NCEH1: variants seen among roughly 807,000 people sequenced by gnomAD.
NCEH1 encodes the protein 2-acetyl MAGE hydrolase.
NCEH1 carries 9 observed loss-of-function variants against 25.4 expected under a neutral mutation model. The ratio of observed to expected loss-of-function variants is 0.35; its 90% CI spans 0.21 to 0.62. The LOEUF is 0.62. Ranked by LOEUF, NCEH1 falls within the 20% of genes least tolerant of loss-of-function variation. The pLI, the probability that NCEH1 is intolerant of heterozygous loss-of-function variation, is 0.72. For synonymous variants in NCEH1, 200 were observed against 199.8 expected, an observed-to-expected ratio of 1.00 and a Z score of -0.01; for missense variants, 412 against 501.1, an observed-to-expected ratio of 0.82 and a Z score of 1.70.
intron 1 of NCEH1, among the ~76,000 whole-genome samples, chr3:172,686,507 T>C (rs1383150043): frequency 6.6e-6 from 1 of 152,206 alleles, no homozygotes; most frequent in Non-Finnish European, 1.5e-5. Context: ...CGTCCAATTG[T>C]ATAGGACATA....
chr3:172,636,657 C>T (rs1716609535), intron 3 of NCEH1, among the ~76,000 whole-genome samples: 1 of 152,192 alleles, frequency 6.6e-6, no homozygotes, highest in Non-Finnish European at 1.5e-5. Context: ...CGGTTGTTAA[C>T]TCACAAAAGG....
At chr3:172,665,726 A>G (rs1443702333) in intron 1 of NCEH1, among the ~76,000 whole-genome samples, 2 of 152,136 alleles carry the variant, frequency 1.3e-5, no homozygotes, top group Admixed American at 6.5e-5. Context: ...GCTGCCTCGC[A>G]GTTTGATCTT....
At chr3:172,641,651 T>G (rs985369498) in intron 3 of NCEH1, among the ~76,000 whole-genome samples, 3 of 152,140 alleles carry the variant, frequency 2.0e-5, no homozygotes, top group Non-Finnish European at 4.4e-5. Flanking sequence ...GCGTCCACCA[T>G]CCTCCTAAAG....
intron 1 of NCEH1, among the ~76,000 whole-genome samples, chr3:172,682,522 GTTCT>G (rs1381620211): frequency 6.6e-6 from 1 of 152,084 alleles, no homozygotes; most frequent in African/African-American, 2.4e-5. Context: ...TGATTAAATG[GTTCT>G]TTCTGAGAAA....
chr3:172,647,252 C>T (rs1027148904), intron 2 of NCEH1, among the ~76,000 whole-genome samples: 5 of 152,186 alleles, frequency 3.3e-5, no homozygotes, highest in African/African-American at 7.2e-5. Context: ...CCCCGAATTC[C>T]GCCTTGGGAG....
At chr3:172,663,592 G>A (rs1216916489) in intron 1 of NCEH1, among the ~76,000 whole-genome samples, 2 of 152,158 alleles carry the variant, frequency 1.3e-5, no homozygotes, top group South Asian at 2.1e-4. Flanking sequence ...TTGTTTGGGA[G>A]TCTAAGTCTC....
Position 172,711,031 on chromosome 3 carries a change from G to C in NCEH1, c.-47C>G, listed in dbSNP as rs773007265. On this transcript the variant is annotated 5_prime_UTR_variant, in exon 1 of 5. In the 5' UTR this introduces an upstream ATG that the reference lacks. Transcript: ENST00000475381. ...AGCGGGCTGGCAAAGAGGAAAGGGC[G>C]ATACCACCCGGAGACCTCCGGCAAC... 6.2e-7 allele frequency: 1 copy of C among 1,612,964 alleles called. No homozygotes were observed. Among genetic ancestry groups the C allele is most frequent in the Non-Finnish European group, 8.5e-7 (1 of 1,179,494 alleles).
intron 1 of NCEH1, among the ~76,000 whole-genome samples, chr3:172,688,866 G>A (rs1712861905): frequency 6.6e-6 from 1 of 152,132 alleles, no homozygotes; most frequent in Non-Finnish European, 1.5e-5. Context: ...GGACATGCAG[G>A]ATTCTACAAC....
intron 1 of NCEH1, among the ~76,000 whole-genome samples, chr3:172,648,367 T>C (rs1404070058): frequency 6.6e-6 from 1 of 152,156 alleles, no homozygotes; most frequent in African/African-American, 2.4e-5. Context: ...ACTATGCTTG[T>C]TCATTTCATT....
At chr3:172,691,609 T>A (rs538315398) in intron 1 of NCEH1, among the ~76,000 whole-genome samples, 6 of 152,406 alleles carry the variant, frequency 3.9e-5, no homozygotes, top group Non-Finnish European at 5.9e-5. Context: ...TAGGAGTAAT[T>A]AAACAAATCC....
chr3:172,662,707 T>C (rs948551329), intron 1 of NCEH1, among the ~76,000 whole-genome samples: 2 of 152,216 alleles, frequency 1.3e-5, no homozygotes, highest in African/African-American at 2.4e-5. Flanking sequence ...AGTGTATGTG[T>C]CCAGGAATTT....
intron 1 of NCEH1, among the ~76,000 whole-genome samples, chr3:172,670,066 AT>A (rs919117086): frequency 2.0e-5 from 3 of 152,374 alleles, no homozygotes; most frequent in Non-Finnish European, 4.4e-5. Context: ...AAGACAAATC[AT>A]CCTTTTGGGA....
In NCEH1 at chr3:172,647,996, T is replaced by C; in HGVS notation, c.257A>G (p.Asp86Gly). The C allele has an allele frequency of 6.2e-7, 1 of 1,614,184 alleles. No homozygotes were observed. The highest frequency in any genetic ancestry group is 8.5e-7 in the Non-Finnish European group (1 of 1,180,038). ...CACTCTGACTTCCACACCATCAAAG[T>C]CTGTGTCGGTCACCTTCACTTGGGC... ...SSAQVKVTDT[D>G]FDGVEVRVFE... Residue 86 changes from aspartate to glycine, a missense_variant, in exon 2 of 5, where the codon GAC becomes GGC. This residue lies in a region of NCEH1 where 178 missense variants were observed against 189.2 expected (regional missense o/e 0.94). Transcript: ENST00000475381.
intron 1 of NCEH1, among the ~76,000 whole-genome samples, chr3:172,696,362 G>C (rs1029658577): frequency 1.6e-4 from 25 of 151,858 alleles, no homozygotes; most frequent in African/African-American, 5.3e-4. Context: ...TAATGGTGAC[G>C]ATAAAAGAAA....
intron 1 of NCEH1, 88 bp from the exon 2 acceptor site, chr3:172,648,202 C>A: frequency 1.4e-6 from 2 of 1,478,902 alleles, no homozygotes; most frequent in Non-Finnish European, 9.3e-7. Flanking sequence ...TGTCTGAATT[C>A]CTACAAGCAG....
At chr3:172,672,716 T>G (rs540177445) in intron 1 of NCEH1, among the ~76,000 whole-genome samples, 14 of 152,218 alleles carry the variant, frequency 9.2e-5, no homozygotes, top group African/African-American at 2.4e-5. Flanking sequence ...GAGAGAAAGC[T>G]CAGGGGAAGG....
At position 172,632,857 on chromosome 3, in the gene NCEH1, A is replaced by C. The variant is rs1304000009; in HGVS notation, c.*618T>G. Reference sequence around the variant, plus strand: ...TAACTTTCAAGTATTCCTGTAATCCAACTGGACTTACAGATAGCGATCTCA... The same window carrying C: ...TAACTTTCAAGTATTCCTGTAATCCCACTGGACTTACAGATAGCGATCTCA... On this transcript the variant is annotated 3_prime_UTR_variant, in exon 5 of 5. Transcript: ENST00000475381. 3.3e-5 allele frequency: 5 copies of C among 152,712 alleles called. No homozygotes were observed. Among genetic ancestry groups the C allele is most frequent in the African/African-American group, 1.2e-4 (5 of 41,458 alleles). 9.5% of individuals were successfully genotyped at this position (152,712 alleles called of 1,614,324 possible). A position where few individuals can be genotyped will look rare whatever the true frequency, so the allele number is the denominator to read the frequency against.
chr3:172,701,681 G>T (rs1279187542), intron 1 of NCEH1, among the ~76,000 whole-genome samples: 1 of 146,576 alleles, frequency 6.8e-6, no homozygotes, highest in Admixed American at 6.9e-5. Context: ...GGCCAGGCTG[G>T]TCTCAAACTC....
chr3:172,677,447 A>G (rs1318171061), intron 1 of NCEH1, among the ~76,000 whole-genome samples: 3 of 152,254 alleles, frequency 2.0e-5, no homozygotes, highest in Admixed American at 2.0e-4. Context: ...TTTAAAATAC[A>G]TAATAATAAA....
Sources: allele counts gnomAD v4.1 joint callset (sites outside exome capture counted in the v4.1 genomes callset), GRCh38; gene constraint gnomAD v4.1.1; regional missense constraint gnomAD v4.1.1; transcripts MANE v1.5; gene names NCBI Gene and HGNC (gene_info 2026-07-23, HGNC 2026-07-21).